FBXL20: variants seen among roughly 807,000 people sequenced by gnomAD.
The protein encoded by FBXL20 is F-box/LRR-repeat protein 20.
In FBXL20, 11 loss-of-function variants were observed where a neutral mutation model predicts 64.0. The observed-to-expected ratio is 0.17, with a 90% CI of 0.11 to 0.28. The LOEUF (loss-of-function observed/expected upper bound fraction) is 0.28, where lower values mean the gene tolerates loss of function less well. Ranked by LOEUF, FBXL20 falls within the 10% of genes least tolerant of loss-of-function variation. The pLI, the probability that FBXL20 is intolerant of heterozygous loss-of-function variation, is 1.00. For missense variants in FBXL20, 303 were observed against 526.2 expected (o/e 0.58, Z 4.15); for synonymous variants, 184 against 189.0 (o/e 0.97, Z 0.22).
At chr17:39,394,916 G>C (rs1267751058) in intron 1 of FBXL20, among the ~76,000 whole-genome samples, 1 of 152,084 alleles carries the variant, frequency 6.6e-6, no homozygotes, top group Non-Finnish European at 1.5e-5. Flanking sequence ...TATGTTACTA[G>C]TTGAGAAACA....
chr17:39,345,056 G>A (rs1488531557), intron 1 of FBXL20, among the ~76,000 whole-genome samples: 2 of 152,124 alleles, frequency 1.3e-5, no homozygotes, highest in Admixed American at 6.6e-5. Flanking sequence ...CAAAAGCCCA[G>A]TAAAAATGGC....
intron 1 of FBXL20, among the ~76,000 whole-genome samples, chr17:39,389,107 A>C (rs1455287435): frequency 7.1e-6 from 1 of 140,560 alleles, no homozygotes; most frequent in Admixed American, 6.8e-5. Flanking sequence ...TCCATCTCAA[A>C]AAAAAAAAAA....
At chr17:39,339,211 A>AC (rs975711235) in intron 2 of FBXL20, among the ~76,000 whole-genome samples, 1 of 151,542 alleles carries the variant, frequency 6.6e-6, no homozygotes, top group Admixed American at 6.6e-5. Context: ...ACACAGTGAG[A>AC]CCCCATCTGC....
chr17:39,288,713 A>AT (rs538176401), intron 6 of FBXL20, among the ~76,000 whole-genome samples: 16 of 148,984 alleles, frequency 1.1e-4, no homozygotes, highest in Admixed American at 3.4e-4. Flanking sequence ...TAGACGCATA[A>AT]TTTTTTTTTT....
intron 1 of FBXL20, among the ~76,000 whole-genome samples, chr17:39,381,545 T>C (rs1212363991): frequency 7.0e-6 from 1 of 142,856 alleles, no homozygotes; most frequent in Non-Finnish European, 1.5e-5. Context: ...AATCCCAACA[T>C]TGTGGGAGGC....
At chr17:39,328,248 CAAAAAAAAAAAAAAA>C (rs141259755) in intron 2 of FBXL20, among the ~76,000 whole-genome samples, 17,482 of 56,458 alleles carry the variant, frequency 0.31, 1,738 homozygotes, top group East Asian at 0.49. Context: ...AACTCTGCCT[CAAAAAAAAAAAAAAA>C]AAAAAAAAAA....
chr17:39,325,295 A>G (rs1239344529), intron 2 of FBXL20, among the ~76,000 whole-genome samples: 1 of 152,194 alleles, frequency 6.6e-6, no homozygotes, highest in Non-Finnish European at 1.5e-5. Context: ...AGAAGGTTGG[A>G]GTGGAGAGAC....
At chr17:39,289,222 A>C (rs1026877541) in intron 6 of FBXL20, among the ~76,000 whole-genome samples, 1 of 152,180 alleles carries the variant, frequency 6.6e-6, no homozygotes, top group African/African-American at 2.4e-5. Flanking sequence ...ATCAAAATTG[A>C]TTTCGTTATT....
chr17:39,264,030 T>C lies in FBXL20; in HGVS notation c.1203+145A>G, dbSNP rs2046770600. ...GCCAGAGGGAAAAACTATCTGTCCTTAGGTTTGCACTTTTTTCTCTTTCCC... is the reference window on the plus strand; with the variant it reads ...GCCAGAGGGAAAAACTATCTGTCCTCAGGTTTGCACTTTTTTCTCTTTCCC... On this transcript the variant is annotated intron_variant, in intron 14 of 14. Transcript: ENST00000264658. 3 of 871,402 alleles carry C rather than the reference T, an allele frequency of 3.4e-6. No individual in the cohort carries two copies. In the East Asian group the frequency reaches 8.0e-5, roughly 23 times the overall value. The allele number at this position is 871,402 out of a possible 1,614,324, so 54.0% of individuals were successfully genotyped here.
At chr17:39,272,881 T>A (rs545656968) in intron 10 of FBXL20, among the ~76,000 whole-genome samples, 13 of 152,242 alleles carry the variant, frequency 8.5e-5, no homozygotes, top group East Asian at 5.8e-4. Flanking sequence ...TGAAGACTCC[T>A]CTCTCTACAG....
intron 1 of FBXL20, among the ~76,000 whole-genome samples, chr17:39,352,164 G>C (rs34496115): frequency 0.032 from 4,894 of 152,134 alleles, 276 homozygotes; most frequent in African/African-American, 0.11. Flanking sequence ...AAATAAACAG[G>C]ACCCAAGAAA....
chr17:39,317,701 G>T (rs7208855), intron 2 of FBXL20, among the ~76,000 whole-genome samples: 1,295 of 43,682 alleles, frequency 0.03, 13 homozygotes, highest in African/African-American at 0.05. Context: ...TTTTTTTTTT[G>T]TTTTTTTTTT....
intron 1 of FBXL20, among the ~76,000 whole-genome samples, chr17:39,364,531 C>G (rs1313956665): frequency 1.3e-5 from 2 of 152,068 alleles, no homozygotes; most frequent in Non-Finnish European, 2.9e-5. Context: ...ATTGCTTGAG[C>G]CAGGGAAGGC....
rs1427924436 is a variant in FBXL20, at chr17:39,265,463, A to G, written c.934-10T>C. 1.3e-6 allele frequency: 2 copies of G among 1,590,996 alleles called. No individual in the cohort carries two copies. Among genetic ancestry groups the G allele is most frequent in the Admixed American group, 3.3e-5 (2 of 59,924 alleles). On this transcript the variant is annotated splice_polypyrimidine_tract_variant and intron_variant, in intron 12 of 14. Coordinates refer to ENST00000264658, the MANE Select transcript of FBXL20 (RefSeq NM_032875.3). Reference sequence around the variant, plus strand: ...ATGTGCTATCTGTTATCTGAAAGAAATAACGTATGTTGATTTTAGGTATAA... The same window carrying G: ...ATGTGCTATCTGTTATCTGAAAGAAGTAACGTATGTTGATTTTAGGTATAA...
intron 1 of FBXL20, among the ~76,000 whole-genome samples, chr17:39,393,158 G>A (rs1347384435): frequency 3.3e-5 from 5 of 151,718 alleles, no homozygotes; most frequent in African/African-American, 7.3e-5. Context: ...GTGTGGTGGC[G>A]GGCACCTGTA....
intron 1 of FBXL20, among the ~76,000 whole-genome samples, chr17:39,358,064 C>G (rs988287460): frequency 6.6e-6 from 1 of 152,148 alleles, no homozygotes; most frequent in Non-Finnish European, 1.5e-5. Context: ...GTAATCCAGT[C>G]AGAGTCCAAA....
intron 1 of FBXL20, among the ~76,000 whole-genome samples, chr17:39,358,343 G>A (rs1364018380): frequency 6.6e-6 from 1 of 152,108 alleles, no homozygotes; most frequent in African/African-American, 2.4e-5. Context: ...GACACACCCA[G>A]AAATAATGTT....
intron 11 of FBXL20, 56 bp from the exon 12 acceptor site, chr17:39,268,927 A>G (rs1247935100): frequency 2.0e-6 from 3 of 1,508,064 alleles, no homozygotes; most frequent in Non-Finnish European, 1.8e-6. Context: ...AAAACATGAG[A>G]AACTTTTAAG....
At chr17:39,287,995 A>ATGTCAGT (rs2047004331) in intron 6 of FBXL20, among the ~76,000 whole-genome samples, 1 of 124,066 alleles carries the variant, frequency 8.1e-6, no homozygotes, top group South Asian at 2.4e-4. Flanking sequence ...TTTGAGATGG[A>ATGTCAGT]CTCTGTCACC....
Sources: allele counts gnomAD v4.1 joint callset (sites outside exome capture counted in the v4.1 genomes callset), GRCh38; gene constraint gnomAD v4.1.1; transcripts MANE v1.5; gene names NCBI Gene and HGNC (gene_info 2026-07-23, HGNC 2026-07-21).